The following MALRD1 variants were observed in gnomAD, a reference collection of about 807,000 sequenced individuals.
The protein encoded by MALRD1 is MAM and LDL receptor class A domain containing 1.
A neutral mutation model predicts 242.1 loss-of-function variants in MALRD1; 247 were observed. The ratio of observed to expected loss-of-function variants is 1.02; its 90% CI spans 0.92 to 1.13. The LOEUF (loss-of-function observed/expected upper bound fraction) is 1.13, where lower values mean the gene tolerates loss of function less well. MALRD1 is among the 50% of genes most tolerant of loss of function. MALRD1 has a pLI of 0.00. For missense variants in MALRD1, 2,989 were observed against 2,533.1 expected (o/e 1.18, Z -3.86); for synonymous variants, 995 against 866.6 (o/e 1.15, Z -2.60).
intron 18 of MALRD1, among the ~76,000 whole-genome samples, chr10:19,220,557 G>C (rs1837514377): frequency 6.6e-6 from 1 of 152,100 alleles, no homozygotes; most frequent in Non-Finnish European, 1.5e-5. Context: ...CAGAATCGCA[G>C]AACATTGATT....
At chr10:19,372,101 A>T (rs1471286535) in intron 26 of MALRD1, among the ~76,000 whole-genome samples, 3 of 152,234 alleles carry the variant, frequency 2.0e-5, no homozygotes, top group Admixed American at 1.3e-4. Context: ...GTTAAATAAA[A>T]ATAGGAAATA....
intron 33 of MALRD1, among the ~76,000 whole-genome samples, chr10:19,572,640 C>A (rs1010179785): frequency 6.6e-6 from 1 of 152,094 alleles, no homozygotes; most frequent in Non-Finnish European, 1.5e-5. Context: ...GAATGTGATC[C>A]CATTTAGAAA....
In MALRD1 at chr10:19,514,611, G is replaced by A. The variant is rs145678420; in HGVS notation, c.5320+15965G>A. On this transcript the variant is annotated intron_variant, in intron 31 of 39. Coordinates refer to ENST00000454679, the MANE Select transcript of MALRD1 (RefSeq NM_001142308.3). ...CAATGCTTACTCATTTAACTAGAGT[G>A]ATAATTAAAATATTTAAAGACAAAT... 2.1e-3 allele frequency among the ~76,000 whole-genome samples: 315 copies of A among 152,180 alleles called. 1 individual carries two copies. The highest frequency in any genetic ancestry group is 7.3e-3 in the African/African-American group (303 of 41,546).
chr10:19,440,582 G>C (rs1006905416), intron 28 of MALRD1, among the ~76,000 whole-genome samples: 7 of 152,106 alleles, frequency 4.6e-5, no homozygotes, highest in Non-Finnish European at 1.5e-5. Flanking sequence ...CTATGAGTGG[G>C]AACATGCGGT....
At chr10:19,109,390 T>A (rs1836594155) in intron 5 of MALRD1, among the ~76,000 whole-genome samples, 1 of 152,146 alleles carries the variant, frequency 6.6e-6, no homozygotes, top group African/African-American at 2.4e-5. Flanking sequence ...TGCCAGACTG[T>A]TTCACACACA....
At chr10:19,173,553 A>G (rs1835100250) in intron 13 of MALRD1, among the ~76,000 whole-genome samples, 1 of 152,154 alleles carries the variant, frequency 6.6e-6, no homozygotes, top group African/African-American at 2.4e-5. Context: ...GTACCAACTC[A>G]TGGAATTTTC....
At chr10:19,683,718 G>A (rs1055925385) in intron 36 of MALRD1, among the ~76,000 whole-genome samples, 2 of 152,128 alleles carry the variant, frequency 1.3e-5, no homozygotes, top group African/African-American at 2.4e-5. Flanking sequence ...GATAAAAATT[G>A]TAAAGTTAAT....
At chr10:19,638,302 TACAG>T (rs1240366450) in intron 36 of MALRD1, among the ~76,000 whole-genome samples, 1 of 151,964 alleles carries the variant, frequency 6.6e-6, no homozygotes, top group African/African-American at 2.4e-5. Flanking sequence ...TCAAGTATGT[TACAG>T]ACACAGGGAA....
intron 31 of MALRD1, among the ~76,000 whole-genome samples, chr10:19,510,567 G>A (rs532851956): frequency 6.6e-6 from 1 of 152,360 alleles, no homozygotes; most frequent in South Asian, 2.1e-4. Flanking sequence ...AGCACATCCT[G>A]CATAGCCCTA....
At chr10:19,105,411 T>C (rs1836429220) in intron 5 of MALRD1, among the ~76,000 whole-genome samples, 1 of 152,054 alleles carries the variant, frequency 6.6e-6, no homozygotes, top group Non-Finnish European at 1.5e-5. Flanking sequence ...TATCCATTTG[T>C]CCATTGATGG....
intron 33 of MALRD1, among the ~76,000 whole-genome samples, chr10:19,576,388 T>C (rs1190959804): frequency 6.6e-6 from 1 of 152,232 alleles, no homozygotes; most frequent in East Asian, 1.9e-4. Context: ...CTTATTCTCA[T>C]TGTATCAGAA....
intron 19 of MALRD1, among the ~76,000 whole-genome samples, chr10:19,273,287 T>C (rs1361396981): frequency 6.6e-6 from 1 of 152,214 alleles, no homozygotes; most frequent in African/African-American, 2.4e-5. Context: ...CGTTCATTGC[T>C]GGTAGAAATA....
chr10:19,048,094 A>T (rs1230711701), upstream of MALRD1, among the ~76,000 whole-genome samples: 2 of 152,176 alleles, frequency 1.3e-5, no homozygotes, highest in African/African-American at 2.4e-5. Flanking sequence ...TCCTGAAATC[A>T]GGTGTTTCAC....
intron 14 of MALRD1, among the ~76,000 whole-genome samples, chr10:19,197,121 A>G (rs1259562611): frequency 6.6e-6 from 1 of 152,112 alleles, no homozygotes; most frequent in African/African-American, 2.4e-5. Context: ...GAATGAAAGG[A>G]GAAGCACAAC....
At chr10:19,493,085 A>G (rs1266968403) in intron 30 of MALRD1, among the ~76,000 whole-genome samples, 1 of 152,192 alleles carries the variant, frequency 6.6e-6, no homozygotes, top group African/African-American at 2.4e-5. Context: ...TTGTGCAACC[A>G]CTGCCACCAT....
At chr10:19,719,239 T>TACATAC (rs1392517480) in intron 38 of MALRD1, among the ~76,000 whole-genome samples, 20 of 117,286 alleles carry the variant, frequency 1.7e-4, no homozygotes, top group Middle Eastern at 4.3e-3. Flanking sequence ...TATATATATA[T>TACATAC]ATATATATAT....
chr10:19,351,608 ATCT>A lies in MALRD1; in HGVS notation c.4150-393_4150-391del, dbSNP rs147179714. Among the ~76,000 whole-genome samples, 472 of 152,302 alleles carry A rather than the reference ATCT, an allele frequency of 3.1e-3. 3 individuals carry two copies. Among genetic ancestry groups the A allele is most frequent in the African/African-American group, 0.011 (438 of 41,564 alleles). The stretch of plus-strand genomic sequence containing the variant: ...TTTAAGTTTCATGAGATTAAAAATA[ATCT>A]TCTTTTGTTCCTGTTATTTCTTAAT... On this transcript the variant is annotated intron_variant, in intron 25 of 39. Transcript: ENST00000454679.
chr10:19,547,088 C>G (rs1274712378), intron 32 of MALRD1, among the ~76,000 whole-genome samples: 2 of 152,082 alleles, frequency 1.3e-5, no homozygotes, highest in African/African-American at 4.8e-5. Context: ...AGAAAAGCCT[C>G]TAAGTGTCGG....
intron 4 of MALRD1, among the ~76,000 whole-genome samples, chr10:19,097,671 C>A (rs1836092356): frequency 6.6e-6 from 1 of 152,116 alleles, no homozygotes; most frequent in Non-Finnish European, 1.5e-5. Context: ...TGTTGCATTT[C>A]CAGAAAGCTA....
Sources: gnomAD v4.1 joint callset for allele counts (sites outside exome capture counted in the v4.1 genomes callset) on GRCh38, gnomAD v4.1.1 for gene constraint, MANE v1.5 for transcripts, NCBI Gene and HGNC (gene_info 2026-07-23, HGNC 2026-07-21) for gene names.